RGS6: variants seen among roughly 807,000 people sequenced by gnomAD.
RGS6 encodes the protein regulator of G protein signaling 6, also known as regulator of G-protein signaling 6.
RGS6 carries 30 observed loss-of-function variants against 78.5 expected under a neutral mutation model. The ratio of observed to expected loss-of-function variants is 0.38; its 90% CI spans 0.29 to 0.52. The LOEUF (loss-of-function observed/expected upper bound fraction) is 0.52. Among genes scored for constraint, RGS6 ranks in the 20% least tolerant of loss-of-function variants. The pLI is 0.85. For synonymous variants in RGS6, 206 were observed against 206.0 expected (o/e 1.00, Z 0.00); for missense variants, 495 against 609.7 (o/e 0.81, Z 1.98).
At chr14:72,107,603 C>T (rs1448846209) in intron 2 of RGS6, among the ~76,000 whole-genome samples, 2 of 151,984 alleles carry the variant, frequency 1.3e-5, no homozygotes, top group African/African-American at 2.4e-5. Flanking sequence ...GGGAAATATC[C>T]ACTTCTATAT....
At chr14:72,393,183 T>A (rs1235108612) in intron 3 of RGS6, among the ~76,000 whole-genome samples, 1 of 152,212 alleles carries the variant, frequency 6.6e-6, no homozygotes, top group Admixed American at 6.5e-5. Context: ...TGCATGAAGA[T>A]CTGACACATT....
chr14:72,266,070 C>A (rs1000992223), intron 2 of RGS6, among the ~76,000 whole-genome samples: 3 of 152,130 alleles, frequency 2.0e-5, no homozygotes, highest in African/African-American at 7.2e-5. Context: ...TATCATCACT[C>A]ATGATTTTGT....
chr14:72,039,088 A>C (rs2092088944), intron 2 of RGS6, among the ~76,000 whole-genome samples: 1 of 152,226 alleles, frequency 6.6e-6, no homozygotes, highest in South Asian at 2.1e-4. Context: ...TTTTGTAGCA[A>C]ATCTACATTT....
chr14:71,985,662 G>A (rs960383986), intron 2 of RGS6, among the ~76,000 whole-genome samples: 12 of 152,018 alleles, frequency 7.9e-5, no homozygotes, highest in African/African-American at 1.5e-4. Context: ...AGAGGGTGAG[G>A]GGATTTCTAA....
At chr14:72,290,623 T>G (rs2063413982) in intron 2 of RGS6, among the ~76,000 whole-genome samples, 1 of 152,226 alleles carries the variant, frequency 6.6e-6, no homozygotes, top group African/African-American at 2.4e-5. Context: ...AAGAATCATC[T>G]GTTGCTGATA....
intron 17 of RGS6, among the ~76,000 whole-genome samples, chr14:72,553,893 C>T (rs2097538145): frequency 6.6e-6 from 1 of 152,206 alleles, no homozygotes; most frequent in Admixed American, 6.5e-5. Context: ...AACCGCCCAT[C>T]CTCTGTCCCA....
the RGS6 span, among the ~76,000 whole-genome samples, chr14:71,902,530 C>A: frequency 6.6e-6 from 1 of 151,936 alleles, no homozygotes; most frequent in African/African-American, 2.4e-5. Flanking sequence ...TAATAGTTTT[C>A]TTTTAAAGTC....
At chr14:72,525,507 C>T (rs2097106125) in intron 15 of RGS6, among the ~76,000 whole-genome samples, 1 of 152,180 alleles carries the variant, frequency 6.6e-6, no homozygotes, top group African/African-American at 2.4e-5. Flanking sequence ...CCACATCCGC[C>T]ATGAGCAGAC....
At chr14:71,936,086 C>T (rs1489500522) in intron 1 of RGS6, among the ~76,000 whole-genome samples, 1 of 125,822 alleles carries the variant, frequency 7.9e-6, no homozygotes, top group East Asian at 2.2e-4. Flanking sequence ...ATATGCTATA[C>T]ATGATATATA....
intron 2 of RGS6, among the ~76,000 whole-genome samples, chr14:72,231,305 A>G (rs577879936): frequency 6.6e-6 from 1 of 152,372 alleles, no homozygotes; most frequent in South Asian, 2.1e-4. Flanking sequence ...TTACGATTTC[A>G]TTTAATTGTC....
chr14:72,254,013 G>A (rs1396791716), intron 2 of RGS6, among the ~76,000 whole-genome samples: 2 of 152,170 alleles, frequency 1.3e-5, no homozygotes, highest in Admixed American at 6.5e-5. Context: ...TGTAGACCAC[G>A]ATGACAGAAT....
intron 14 of RGS6, among the ~76,000 whole-genome samples, chr14:72,516,234 T>C (rs1264499148): frequency 6.6e-6 from 1 of 152,236 alleles, no homozygotes; most frequent in Non-Finnish European, 1.5e-5. Flanking sequence ...CACCAGCAGA[T>C]GGCCATTTTC....
chr14:72,187,270 G>A (rs2097260464), intron 2 of RGS6, among the ~76,000 whole-genome samples: 1 of 152,212 alleles, frequency 6.6e-6, no homozygotes, highest in Non-Finnish European at 1.5e-5. Flanking sequence ...GAAAGCACTT[G>A]GCTGTGTATA....
chr14:71,949,870 T>G (rs1595088400), intron 1 of RGS6, among the ~76,000 whole-genome samples: 1 of 151,604 alleles, frequency 6.6e-6, no homozygotes. Flanking sequence ...GATAAAGGCA[T>G]CCGTATTTGT....
chr14:72,212,138 A>C (rs1238927391), intron 2 of RGS6, among the ~76,000 whole-genome samples: 7 of 152,216 alleles, frequency 4.6e-5, no homozygotes, highest in Admixed American at 1.3e-4. Context: ...AAATAAAATT[A>C]GAATAGCTGT....
At chr14:72,379,856 C>G (rs547977292) in intron 3 of RGS6, among the ~76,000 whole-genome samples, 1 of 152,064 alleles carries the variant, frequency 6.6e-6, no homozygotes, top group South Asian at 2.1e-4. Flanking sequence ...CCATGAATAG[C>G]CAAGGCAATC....
intron 2 of RGS6, among the ~76,000 whole-genome samples, chr14:72,041,025 T>C (rs911159120): frequency 6.6e-6 from 1 of 152,200 alleles, no homozygotes; most frequent in Non-Finnish European, 1.5e-5. Flanking sequence ...TCTTTAAACT[T>C]CTTTAAGATG....
chr14:72,205,570 C>G (rs935517480), intron 2 of RGS6, among the ~76,000 whole-genome samples: 1 of 152,198 alleles, frequency 6.6e-6, no homozygotes, highest in Non-Finnish European at 1.5e-5. Flanking sequence ...TATCTTTATA[C>G]TTCTGTGGTC....
chr14:72,308,285 A>G (rs1033714061), intron 2 of RGS6, among the ~76,000 whole-genome samples: 1 of 152,184 alleles, frequency 6.6e-6, no homozygotes, highest in Non-Finnish European at 1.5e-5. Context: ...TTGAGTATCC[A>G]TGATGTTCTA....
Sources: gnomAD v4.1 joint callset for allele counts (sites outside exome capture counted in the v4.1 genomes callset) on GRCh38, gnomAD v4.1.1 for gene constraint, MANE v1.5 for transcripts, NCBI Gene and HGNC (gene_info 2026-07-23, HGNC 2026-07-21) for gene names.